RIC1: variants seen among roughly 807,000 people sequenced by gnomAD.
RIC1 encodes the protein RIC1 partner of RAB6A GEF complex, also known as guanine nucleotide exchange factor subunit RIC1.
A neutral mutation model predicts 169.0 loss-of-function variants in RIC1; 88 were observed. That is an observed-to-expected ratio of 0.52 (90% CI 0.44 to 0.62). RIC1 has a LOEUF of 0.62. RIC1 is among the 20% of genes least tolerant of loss of function. The probability of loss-of-function intolerance (pLI) is 0.00; values close to 1 mark genes in which losing one functional copy is unlikely to be tolerated. For synonymous variants in RIC1, 790 were observed against 601.5 expected (o/e 1.31, Z -4.59); for missense variants, 1,877 against 1,725.5 (o/e 1.09, Z -1.56).
intron 4 of RIC1, among the ~76,000 whole-genome samples, chr9:5,716,348 C>G (rs1823240075): frequency 6.6e-6 from 1 of 152,100 alleles, no homozygotes. Context: ...TGGCTCATGC[C>G]TATAATCCCA....
At chr9:5,682,760 A>G (rs1056012619) in intron 2 of RIC1, among the ~76,000 whole-genome samples, 8 of 152,216 alleles carry the variant, frequency 5.3e-5, no homozygotes, top group Non-Finnish European at 8.8e-5. Context: ...GTGTTTTCCA[A>G]CTTGGTTCCA....
chr9:5,663,705 G>A (rs1819588964), intron 2 of RIC1, among the ~76,000 whole-genome samples: 1 of 152,092 alleles, frequency 6.6e-6, no homozygotes, highest in Non-Finnish European at 1.5e-5. Flanking sequence ...GTGTGTCTTT[G>A]CACATGATAT....
chr9:5,636,386 C>G (rs753395057), intron 1 of RIC1, among the ~76,000 whole-genome samples: 19 of 152,116 alleles, frequency 1.2e-4, no homozygotes, highest in Non-Finnish European at 2.2e-4. Flanking sequence ...ATGGAGCGAT[C>G]TCAACTCACT....
chr9:5,771,607 A>G (rs1003247791), intron 23 of RIC1, among the ~76,000 whole-genome samples: 24 of 152,146 alleles, frequency 1.6e-4, no homozygotes, highest in Non-Finnish European at 1.5e-4. Flanking sequence ...CATGTTTCCC[A>G]TAGCAACTGC....
intron 2 of RIC1, among the ~76,000 whole-genome samples, chr9:5,686,127 A>G (rs1442165023): frequency 1.3e-5 from 2 of 151,196 alleles, no homozygotes; most frequent in Non-Finnish European, 1.5e-5. Flanking sequence ...TCAGGAAACA[A>G]CAGGTGCTGG....
chr9:5,772,238 T>C (rs1383359516), intron 23 of RIC1, among the ~76,000 whole-genome samples: 1 of 152,206 alleles, frequency 6.6e-6, no homozygotes, highest in African/African-American at 2.4e-5. Context: ...ATCTCCATGG[T>C]TTAGTTTAAC....
In RIC1 at chr9:5,742,833, TATTTA is replaced by T. The variant is rs376955309; in HGVS notation, c.902-35_902-31del. ...AAAAAACAAGTATTTCTGAAGCAAC[TATTTA>T]TTTTTAACTCTTCTCACTATTTCCT... On this transcript the variant is annotated intron_variant, in intron 8 of 25. Coordinates refer to ENST00000414202, the MANE Select transcript of RIC1 (RefSeq NM_020829.4). 6.1e-5 allele frequency: 89 copies of T among 1,455,720 alleles called. 1 individual carries two copies. In the African/African-American group the frequency reaches 9.1e-4, roughly 15 times the overall value. 90.2% of individuals were successfully genotyped at this position (1,455,720 alleles called of 1,614,324 possible).
chr9:5,763,706 G>T lies in RIC1; in HGVS notation c.2679G>T (p.Glu893Asp). The change falls in exon 19 of 26, where the codon GAG becomes GAT. Residue 893 changes from glutamate to aspartate, a missense_variant. Glu to Asp is a conservative substitution (Grantham distance 45). Coordinates refer to ENST00000414202, the MANE Select transcript of RIC1 (RefSeq NM_020829.4). The surrounding 1 kb of genome is among the most constrained non-coding windows in gnomAD (Gnocchi z 5.2). ...LLPTVAKFIT[E>D]FPLFLQTVVH... is the part of the protein sequence containing the mutation. ...CCACTGTGGCAAAATTTATCACTGA[G>T]TTCCCCCTCTTCCTGCAGACAGTTG... The T allele has an allele frequency of 1.9e-6, 3 of 1,614,150 alleles. No individual in the cohort carries two copies. The South Asian group carries it at 3.3e-5, about 18-fold the overall frequency.
chr9:5,765,861 T>C, intron 21 of RIC1, 63 bp downstream of exon 21: 1 of 1,572,798 alleles, frequency 6.4e-7, no homozygotes, highest in Non-Finnish European at 8.7e-7. Context: ...TTTCAAGACA[T>C]TTACAAAATT....
chr9:5,630,439 A>C (rs1327171201), intron 1 of RIC1, among the ~76,000 whole-genome samples: 4 of 152,184 alleles, frequency 2.6e-5, no homozygotes, highest in African/African-American at 9.7e-5. Flanking sequence ...TGTCCTTATT[A>C]GGTGTTCGTG....
rs555956673 is a variant in RIC1, at chr9:5,774,358, G to T, written c.*112G>T. The T allele has an allele frequency of 3.6e-6, 3 of 827,458 alleles. No individual in the cohort carries two copies. Among genetic ancestry groups the T allele is most frequent in the South Asian group, 5.2e-5 (2 of 38,564 alleles). 51.3% of individuals were successfully genotyped at this position (827,458 alleles called of 1,614,324 possible). On this transcript the variant is annotated 3_prime_UTR_variant, in exon 26 of 26. Coordinates refer to ENST00000414202, the MANE Select transcript of RIC1 (RefSeq NM_020829.4). Reference sequence around the variant, plus strand: ...GAGAACTCAGTTCAGAGACTCTTCGGTAAGTATTAGTAGATTTTAACTAAT... The same window carrying T: ...GAGAACTCAGTTCAGAGACTCTTCGTTAAGTATTAGTAGATTTTAACTAAT...
intron 1 of RIC1, among the ~76,000 whole-genome samples, chr9:5,640,825 T>C (rs1308985728): frequency 6.6e-6 from 1 of 152,210 alleles, no homozygotes; most frequent in Non-Finnish European, 1.5e-5. Flanking sequence ...TGAAGGTCTT[T>C]GTTTCTCCTT....
At chr9:5,740,196 C>A (rs1225499538) in intron 8 of RIC1, among the ~76,000 whole-genome samples, 1 of 152,134 alleles carries the variant, frequency 6.6e-6, no homozygotes, top group African/African-American at 2.4e-5. Context: ...AAACTCCTTG[C>A]GTCTCACAAG....
intron 1 of RIC1, among the ~76,000 whole-genome samples, chr9:5,633,489 G>A (rs1198723219): frequency 6.6e-6 from 1 of 152,092 alleles, no homozygotes; most frequent in Non-Finnish European, 1.5e-5. Context: ...TTTAACTGCT[G>A]TTGAAATCCT....
chr9:5,635,415 C>T (rs1328703235), intron 1 of RIC1, among the ~76,000 whole-genome samples: 1 of 152,164 alleles, frequency 6.6e-6, no homozygotes, highest in Non-Finnish European at 1.5e-5. Context: ...GTTTTTCTAA[C>T]ACTATGGTGT....
At chr9:5,702,673 G>A (rs1220314324) in intron 3 of RIC1, among the ~76,000 whole-genome samples, 24 of 152,066 alleles carry the variant, frequency 1.6e-4, no homozygotes, top group Admixed American at 1.6e-3. Flanking sequence ...TGAGTAGCTG[G>A]GACTACAGGC....
chr9:5,677,920 T>C (rs1820552439), intron 2 of RIC1, among the ~76,000 whole-genome samples: 2 of 152,122 alleles, frequency 1.3e-5, no homozygotes, highest in Admixed American at 6.5e-5. Flanking sequence ...TACATATGTA[T>C]ACATGTGCCA....
intron 10 of RIC1, among the ~76,000 whole-genome samples, chr9:5,744,023 T>A (rs1328605930): frequency 6.8e-6 from 1 of 147,762 alleles, no homozygotes; most frequent in African/African-American, 2.4e-5. Context: ...GCTGGCCCCC[T>A]TTTTTCACTC....
At position 5,743,728 on chromosome 9, in the gene RIC1, C is replaced by T; in HGVS notation, c.1086C>T (p.Ile362=). 1 of 1,608,748 alleles carries T rather than the reference C, an allele frequency of 6.2e-7. No individual in the cohort carries two copies. Among genetic ancestry groups the T allele is most frequent in the Non-Finnish European group, 8.5e-7 (1 of 1,176,014 alleles). Residue 362 remains isoleucine, a synonymous_variant, in exon 10 of 26, where the codon ATC becomes ATT. Transcript: ENST00000414202. ...GCACCAAAAAAGATCCCCTTAAGAT[C>T]AACTCTATGGTAAGTACTTTCTATA... ...SDGTKKDPLK[I]NSMSWGAEGY... is the part of the protein sequence containing the mutation.
Sources: allele counts gnomAD v4.1 joint callset (sites outside exome capture counted in the v4.1 genomes callset), GRCh38; gene constraint gnomAD v4.1.1; non-coding constraint Gnocchi (gnomAD v3.1); transcripts MANE v1.5; gene names NCBI Gene and HGNC (gene_info 2026-07-23, HGNC 2026-07-21).